The following UBR3 variants were observed in gnomAD, a reference collection of about 807,000 sequenced individuals.
The protein encoded by UBR3 is E3 ubiquitin-protein ligase UBR3.
A neutral mutation model predicts 243.2 loss-of-function variants in UBR3; 85 were observed. The observed-to-expected ratio is 0.35, with a 90% confidence interval of 0.29 to 0.42. The LOEUF (loss-of-function observed/expected upper bound fraction) is 0.42. UBR3 is among the 10% of genes least tolerant of loss of function. UBR3 has a pLI of 1.00. For missense variants in UBR3, 1,686 were observed against 2,300.8 expected (o/e 0.73, Z 5.47); for synonymous variants, 748 against 799.8 (o/e 0.94, Z 1.09).
chr2:169,867,243 T>TTA (rs1225800093), intron 1 of UBR3, among the ~76,000 whole-genome samples: 2 of 152,194 alleles, frequency 1.3e-5, no homozygotes, highest in Non-Finnish European at 2.9e-5. Context: ...GTTTTTCTTC[T>TTA]TATATATATT....
rs1325233319 is a variant in UBR3, at chr2:169,890,688, C to G, written c.1039-477C>G. Among the ~76,000 whole-genome samples, 4 of 146,150 alleles carry G rather than the reference C, an allele frequency of 2.7e-5. 1 individual carries two copies. Among genetic ancestry groups the G allele is most frequent in the Non-Finnish European group, 6.1e-5 (4 of 66,104 alleles). ...AATTTGTTTTTATTATTATTTTTAACTGTCAACTCCAACTTCTAATATGTT... is the reference window on the plus strand; with the variant it reads ...AATTTGTTTTTATTATTATTTTTAAGTGTCAACTCCAACTTCTAATATGTT... On this transcript the variant is annotated intron_variant, in intron 5 of 38. Transcript: ENST00000272793.
In UBR3 at chr2:169,827,629, G is replaced by T; in HGVS notation, c.122G>T (p.Arg41Leu). 7.9e-7 allele frequency: 1 copy of T among 1,267,274 alleles called. No homozygotes were observed. The allele number at this position is 1,267,274 out of a possible 1,614,324, so 78.5% of individuals were successfully genotyped here. The change falls in exon 1 of 39, where the codon CGG becomes CTG. Residue 41 changes from arginine (R) to leucine (L), a missense_variant. Physicochemically the swap from Arg to Leu is moderately radical, Grantham distance 102. Around this residue, in one of 8 missense-constraint regions of UBR3, gnomAD observed 79 missense variants for 73.2 expected, o/e 1.08. Coordinates refer to ENST00000272793, the MANE Select transcript of UBR3 (RefSeq NM_172070.4). ...GCGCACCTCAAGGCGGCCCTCAGCC[G>T]GCCGGACAACCGCGCAGGTGCTGAG... is the stretch of plus-strand genomic sequence containing the variant. ...TAAHLKAALS[R>L]PDNRAGAEEL...
chr2:169,881,683 T>C (rs1339274419), intron 5 of UBR3, among the ~76,000 whole-genome samples: 49 of 137,778 alleles, frequency 3.6e-4, no homozygotes, highest in South Asian at 8.6e-4. Context: ...TATATATATA[T>C]ACACATATAT....
rs2086178722 is a variant in UBR3, at chr2:169,932,634, A to G, written c.2567-278A>G. On this transcript the variant is annotated intron_variant, in intron 18 of 38. Coordinates refer to ENST00000272793, the MANE Select transcript of UBR3 (RefSeq NM_172070.4). ...TAATTGGCACCTTACAAACAACAACAACAACAATGAAGTAAACTTTTCTGG... is the reference window on the plus strand; with the variant it reads ...TAATTGGCACCTTACAAACAACAACGACAACAATGAAGTAAACTTTTCTGG... 2.0e-5 allele frequency among the ~76,000 whole-genome samples: 3 copies of G among 152,278 alleles called. No individual in the cohort carries two copies. In the South Asian group the frequency reaches 6.2e-4, roughly 32 times the overall value.
intron 24 of UBR3, among the ~76,000 whole-genome samples, chr2:169,972,845 A>C (rs1414025890): frequency 1.3e-5 from 2 of 151,848 alleles, no homozygotes; most frequent in African/African-American, 4.8e-5. Flanking sequence ...TTCCCTTTGA[A>C]AACTGGCACA....
chr2:170,056,977 G>C (rs2105443899), intron 33 of UBR3, among the ~76,000 whole-genome samples: 1 of 152,216 alleles, frequency 6.6e-6, no homozygotes, highest in East Asian at 1.9e-4. Context: ...TGGACCATAT[G>C]ATTTATAAGG....
chr2:169,985,610 T>C (rs60585018), intron 24 of UBR3, among the ~76,000 whole-genome samples: 1 of 152,282 alleles, frequency 6.6e-6, no homozygotes, highest in African/African-American at 2.4e-5. Context: ...TGTATTTTCC[T>C]AGACATTGTG....
chr2:169,894,461 A>G (rs141454044), intron 6 of UBR3, among the ~76,000 whole-genome samples: 1 of 151,614 alleles, frequency 6.6e-6, no homozygotes, highest in Non-Finnish European at 1.5e-5. Context: ...GCCTTTCTGT[A>G]GTTAAAATCA....
At position 169,949,899 on chromosome 2, in the gene UBR3, A is replaced by G. The variant is rs569204567; in HGVS notation, c.3379A>G (p.Ser1127Gly). The G allele has an allele frequency of 6.2e-7, 1 of 1,612,722 alleles. No individual in the cohort carries two copies. Among genetic ancestry groups the G allele is most frequent in the Non-Finnish European group, 8.5e-7 (1 of 1,179,278 alleles). Residue 1127 changes from serine (S) to glycine (G), a missense_variant, in exon 23 of 39, where the codon AGT (serine) becomes GGT (glycine). Physicochemically the swap from Ser to Gly is moderately conservative, Grantham distance 56. Transcript: ENST00000272793. The part of the protein sequence containing the change: ...ILIQPEIPKY[S>G]HGDGITAVER... Reference sequence around the variant, plus strand: ...AATCCAACCAGAAATTCCTAAATACAGTCATGGAGATGGTATAACTGCCGT... The same window carrying G: ...AATCCAACCAGAAATTCCTAAATACGGTCATGGAGATGGTATAACTGCCGT...
chr2:169,994,725 C>A (rs954754438), intron 26 of UBR3, among the ~76,000 whole-genome samples: 1 of 152,130 alleles, frequency 6.6e-6, no homozygotes, highest in Non-Finnish European at 1.5e-5. Flanking sequence ...CCTTAAATAA[C>A]GTTGTTTCTT....
At chr2:169,904,682 G>C (rs1008370099) in intron 8 of UBR3, among the ~76,000 whole-genome samples, 1 of 151,988 alleles carries the variant, frequency 6.6e-6, no homozygotes, top group Non-Finnish European at 1.5e-5. Flanking sequence ...TACATCTCTT[G>C]AAATCATACA....
At chr2:169,941,117 G>A (rs1361942998) in intron 19 of UBR3, among the ~76,000 whole-genome samples, 2 of 152,072 alleles carry the variant, frequency 1.3e-5, no homozygotes, top group African/African-American at 2.4e-5. Context: ...TTAGTAGCCC[G>A]ATACCATGTC....
chr2:169,918,847 T>C (rs1204461489), intron 11 of UBR3, among the ~76,000 whole-genome samples: 1 of 152,198 alleles, frequency 6.6e-6, no homozygotes, highest in Admixed American at 6.5e-5. Context: ...ATGTTTACTA[T>C]GTTGTAAACA....
intron 29 of UBR3, among the ~76,000 whole-genome samples, chr2:170,011,559 G>C (rs2090081801): frequency 6.6e-6 from 1 of 150,836 alleles, no homozygotes. Flanking sequence ...AATTTTGTTT[G>C]CTCTTCAGAG....
intron 24 of UBR3, among the ~76,000 whole-genome samples, chr2:169,965,514 T>G (rs578175195): frequency 6.6e-6 from 1 of 152,266 alleles, no homozygotes; most frequent in South Asian, 2.1e-4. Flanking sequence ...AGTAAGAGAT[T>G]AGCAACACAA....
intron 35 of UBR3, among the ~76,000 whole-genome samples, chr2:170,069,485 G>A (rs1357123155): frequency 6.6e-6 from 1 of 151,960 alleles, no homozygotes; most frequent in Non-Finnish European, 1.5e-5. Flanking sequence ...CAAATTTCAA[G>A]TATACAATAC....
chr2:169,982,762 TTATTA>T (rs1434272515), intron 24 of UBR3, among the ~76,000 whole-genome samples: 1 of 151,446 alleles, frequency 6.6e-6, no homozygotes, highest in African/African-American at 2.4e-5. Context: ...TACAGTAGAA[TTATTA>T]TATTAGTTAG....
At position 169,875,796 on chromosome 2, in the gene UBR3, G is replaced by T; in HGVS notation, c.691G>T (p.Asp231Tyr). The change falls in exon 3 of 39, where the codon GAT (aspartate) becomes TAT (tyrosine). Residue 231 changes from aspartate to tyrosine, a missense_variant. This residue lies in a region of UBR3 where 200 missense variants were observed against 231.6 expected (regional missense o/e 0.86). Transcript: ENST00000272793. ...TTTTTCTTTTTTTCTTTTAGCAGCT[G>T]ATGGACCATCAGAAAAGGACCTTAA... Reference protein sequence around the residue: ...LREGYNEPAADGPSEKDLNKV... With the variant: ...LREGYNEPAAYGPSEKDLNKV... 2.6e-6 allele frequency: 4 copies of T among 1,520,028 alleles called. No individual in the cohort carries two copies. The highest frequency in any genetic ancestry group is 3.5e-6 in the Non-Finnish European group (4 of 1,136,848). The allele number at this position is 1,520,028 out of a possible 1,614,324, so 94.2% of individuals were successfully genotyped here. A position where few individuals can be genotyped will look rare whatever the true frequency, so the allele number is the denominator to read the frequency against.
intron 13 of UBR3, among the ~76,000 whole-genome samples, chr2:169,925,343 T>C (rs976739013): frequency 6.6e-6 from 1 of 152,168 alleles, no homozygotes; most frequent in Non-Finnish European, 1.5e-5. Context: ...TGATTTCTTA[T>C]GAAAGATGTC....
Sources: allele counts gnomAD v4.1 joint callset (sites outside exome capture counted in the v4.1 genomes callset), GRCh38; gene constraint gnomAD v4.1.1; regional missense constraint gnomAD v4.1.1; transcripts MANE v1.5; gene names NCBI Gene and HGNC (gene_info 2026-07-23, HGNC 2026-07-21).